The following ARHGEF1 variants were observed in gnomAD, a reference collection of about 807,000 sequenced individuals.
The protein encoded by ARHGEF1 is Rho guanine nucleotide exchange factor 1.
In ARHGEF1, 40 loss-of-function variants were observed where a neutral mutation model predicts 119.7. The ratio of observed to expected loss-of-function variants is 0.33; its 90% CI spans 0.26 to 0.44. The LOEUF (loss-of-function observed/expected upper bound fraction) is 0.44. Among genes scored for constraint, ARHGEF1 ranks in the 20% least tolerant of loss-of-function variants. The pLI, the probability that ARHGEF1 is intolerant of heterozygous loss-of-function variation, is 1.00. For missense variants in ARHGEF1, 976 were observed against 1,268.3 expected (o/e 0.77, Z 3.50); for synonymous variants, 494 against 521.0 (o/e 0.95, Z 0.71).
In ARHGEF1 at chr19:41,896,411, C is replaced by T. The variant is rs2074488195; in HGVS notation, c.1050C>T (p.Ser350=). ...ADAPLELGDS[S]PQGPMSLESL... is the part of the protein sequence containing the mutation. ...CCCCCCTGGAGCTGGGGGACTCATC[C>T]CCGCAGGGCCCAATGAGCCTGGAGT... The change falls in exon 13 of 29, where the codon TCC becomes TCT. Residue 350 remains serine, a synonymous_variant. Coordinates refer to ENST00000354532, the MANE Select transcript of ARHGEF1 (RefSeq NM_004706.4). 2.1e-6 allele frequency: 3 copies of T among 1,454,500 alleles called. No homozygotes were observed. Among genetic ancestry groups the T allele is most frequent in the Non-Finnish European group, 2.7e-6 (3 of 1,103,092 alleles). The allele number at this position is 1,454,500 out of a possible 1,614,324, so 90.1% of individuals were successfully genotyped here.
rs782079119 is a variant in ARHGEF1, at chr19:41,888,076, C to T, written c.-7C>T. 3.1e-6 allele frequency: 5 copies of T among 1,613,350 alleles called. No individual in the cohort carries two copies. The South Asian group carries it at 5.5e-5, about 18-fold the overall frequency. ...CCTCTTCCTCCAGCCCTGCAGAGCC[C>T]AGGGAGATGGAAGACTTCGCCCGAG... On this transcript the variant is annotated 5_prime_UTR_variant, in exon 2 of 29. Transcript: ENST00000354532. This position sits in a 1 kb window ranked among gnomAD's most constrained non-coding sequence, Gnocchi z 5.1.
intron 18 of ARHGEF1, among the ~76,000 whole-genome samples, chr19:41,913,533 CCCT>C (rs1555851460): frequency 2.0e-5 from 3 of 151,734 alleles, no homozygotes; most frequent in Non-Finnish European, 4.4e-5. Context: ...GCCCAGCACC[CCCT>C]CCTCCAGTCC....
rs537369814 is a variant in ARHGEF1 at position 41,905,100 on chromosome 19, C to T, written c.2249+64C>T. On this transcript the variant is annotated intron_variant, in intron 23 of 28. Coordinates refer to ENST00000354532, the MANE Select transcript of ARHGEF1 (RefSeq NM_004706.4). The surrounding 1 kb of genome is among the most constrained non-coding windows in gnomAD (Gnocchi z 6.4). ...GCCCAGGTTTCTGGGTTCCCAGGGA[C>T]AGGAGGGCTGTGGGGAGGCCCTGGC... 2 of 1,611,112 alleles carry T rather than the reference C, an allele frequency of 1.2e-6. No individual in the cohort carries two copies. The highest frequency in any genetic ancestry group is 1.1e-5 in the South Asian group (1 of 91,026).
At chr19:41,923,524 G>C (rs1262820888) in intron 1 of ARHGEF1, among the ~76,000 whole-genome samples, 5 of 149,104 alleles carry the variant, frequency 3.4e-5, no homozygotes, top group African/African-American at 1.2e-4. Flanking sequence ...GAGAGACAGA[G>C]AGACTCAGAA....
rs782225872 is a variant in ARHGEF1 at position 41,892,384 on chromosome 19, G to T, written c.367+11G>T. On this transcript the variant is annotated intron_variant, in intron 6 of 28. Coordinates refer to ENST00000354532, the MANE Select transcript of ARHGEF1 (RefSeq NM_004706.4). This position sits in a 1 kb window ranked among gnomAD's most constrained non-coding sequence, Gnocchi z 6.3. The stretch of plus-strand genomic sequence containing the variant: ...TCGCCTTTGAACTTGGTAAGGAGAA[G>T]GATGGGATGAGGGAGAGGTGTCTAG... 2 of 1,613,876 alleles carry T rather than the reference G, an allele frequency of 1.2e-6. No homozygotes were observed. Among genetic ancestry groups the T allele is most frequent in the Admixed American group, 1.7e-5 (1 of 60,006 alleles).
chr19:41,922,406 A>G (rs2074847746), upstream of ARHGEF1, among the ~76,000 whole-genome samples: 1 of 152,152 alleles, frequency 6.6e-6, no homozygotes, highest in Non-Finnish European at 1.5e-5. Flanking sequence ...GATGGAGCCG[A>G]GAGCTAGAGG....
rs921154119 is a variant in ARHGEF1 at position 41,917,359 on chromosome 19, G to A, written c.1866-5733G>A. 1.3e-5 allele frequency among the ~76,000 whole-genome samples: 2 copies of A among 150,994 alleles called. No individual in the cohort carries two copies. The highest frequency in any genetic ancestry group is 4.2e-4 in the South Asian group (2 of 4,756). ...CTGTCTCCTAACGCCCCATCACCACGCCCCCCTGGGCTGGGGTTTAACCAG... is the reference window on the plus strand; with the variant it reads ...CTGTCTCCTAACGCCCCATCACCACACCCCCCTGGGCTGGGGTTTAACCAG... On this transcript the variant is annotated intron_variant, in intron 18 of 20. Transcript: ENST00000599589. The surrounding 1 kb of genome is among the most constrained non-coding windows in gnomAD (Gnocchi z 4.8).
chr19:41,906,737 T>G lies in ARHGEF1; in HGVS notation c.2690T>G (p.Leu897Arg), dbSNP rs1555850328. The change falls in exon 28 of 29, where the codon CTC (leucine) becomes CGC (arginine). Residue 897 changes from leucine (L) to arginine (R), a missense_variant. Leu to Arg is a moderately radical substitution (Grantham distance 102). Around this residue, in one of 3 missense-constraint regions of ARHGEF1, gnomAD observed 171 missense variants for 180.6 expected, o/e 0.95. Transcript: ENST00000354532. This position sits in a 1 kb window ranked among gnomAD's most constrained non-coding sequence, Gnocchi z 4.5. ...GAGGAATTTTGCCGCCTGAGACCCC[T>G]CCTGTCTCAGCTTGGGGGGAACTCT... ...LEEEFCRLRP[L>R]LSQLGGNSVP... The G allele has an allele frequency of 1.2e-6, 2 of 1,611,262 alleles. No homozygotes were observed. The highest frequency in any genetic ancestry group is 3.4e-5 in the Admixed American group (2 of 59,472).
chr19:41,914,449 T>A (rs2074774688), intron 18 of ARHGEF1, among the ~76,000 whole-genome samples: 1 of 151,318 alleles, frequency 6.6e-6, no homozygotes, highest in Non-Finnish European at 1.5e-5. Flanking sequence ...TGTTTCTCCA[T>A]CTCTCACCCC....
chr19:41,893,357 T>C (rs1328254612), intron 8 of ARHGEF1, 54 bp downstream of exon 8: 4 of 1,423,012 alleles, frequency 2.8e-6, no homozygotes, highest in South Asian at 1.3e-5. Context: ...AGGAGGGGGC[T>C]GAGGGCCTGG....
chr19:41,913,283 C>T (rs1224304160), intron 18 of ARHGEF1, among the ~76,000 whole-genome samples: 1 of 144,806 alleles, frequency 6.9e-6, no homozygotes, highest in African/African-American at 2.5e-5. Flanking sequence ...CCGCCCGCCG[C>T]TCGCGCCCCG....
chr19:41,911,200 C>G (rs1270703404), downstream of ARHGEF1, among the ~76,000 whole-genome samples: 1 of 152,152 alleles, frequency 6.6e-6, no homozygotes, highest in African/African-American at 2.4e-5. Flanking sequence ...ACTCCACTGT[C>G]CACATACCCC....
upstream of ARHGEF1, among the ~76,000 whole-genome samples, chr19:41,922,345 G>A (rs2074847366): frequency 6.6e-6 from 1 of 152,190 alleles, no homozygotes; most frequent in Admixed American, 6.5e-5. Flanking sequence ...GAGATCAAGG[G>A]ACAGAAATGA....
rs138482475 is a variant in ARHGEF1, at chr19:41,905,024, C to A, written c.2237C>A (p.Ser746Ter). The A allele has an allele frequency of 6.2e-7, 1 of 1,614,090 alleles. No individual in the cohort carries two copies. Among genetic ancestry groups the A allele is most frequent in the Non-Finnish European group, 8.5e-7 (1 of 1,179,972 alleles). Residue 746 changes from serine to a stop codon, truncating the protein, a stop_gained, in exon 23 of 29, where the codon TCG becomes TAG. Transcript: ENST00000354532. LOFTEE classifies it high-confidence loss of function. The surrounding 1 kb of genome is among the most constrained non-coding windows in gnomAD (Gnocchi z 6.4). ...QIYELVAQTVSERKNWCALIT... is the reference protein window; with the variant it reads ...QIYELVAQTV ...TACGAGCTGGTGGCACAGACTGTGT[C>A]GGAGCGGAAAAAGTGAGGGGGGGTC...
chr19:41,908,095 G>A, downstream of ARHGEF1: 1 of 639,514 alleles, frequency 1.6e-6, no homozygotes, highest in Non-Finnish European at 2.2e-6. The surrounding 1 kb of genome is among the most constrained non-coding windows in gnomAD (Gnocchi z 6.7). Context: ...GGCTGGGGAA[G>A]GAGACTGGGG....
rs73550630 is a variant in ARHGEF1, at chr19:41,916,895, G to T, written c.1866-6197G>T. 0.24 allele frequency among the ~76,000 whole-genome samples: 36,360 copies of T among 151,896 alleles called. 8,864 individuals carry two copies. The highest frequency in any genetic ancestry group is 0.63 in the African/African-American group (26,021 of 41,310). Reference sequence around the variant, plus strand: ...AGACACACCCAGACACACTGGGTAGGGGTGGGCACTCAGAGATGACCCCAA... The same window carrying T: ...AGACACACCCAGACACACTGGGTAGTGGTGGGCACTCAGAGATGACCCCAA... On this transcript the variant is annotated intron_variant, in intron 18 of 20. Transcript: ENST00000599589. The surrounding 1 kb of genome is among the most constrained non-coding windows in gnomAD (Gnocchi z 5.4).
At chr19:41,928,902 G>A (rs1227658133) in exon 2 of ARHGEF1, 3 of 456,132 alleles carry the variant, frequency 6.6e-6, no homozygotes, top group East Asian at 7.0e-5. Context: ...TGCTGGACAC[G>A]CAAGCCTGGA....
rs1555845545 is a variant in ARHGEF1, at chr19:41,888,169, G to A, written c.25-23G>A. The A allele has an allele frequency of 6.2e-7, 1 of 1,614,066 alleles. No individual in the cohort carries two copies. The highest frequency in any genetic ancestry group is 8.5e-7 in the Non-Finnish European group (1 of 1,179,962). On this transcript the variant is annotated intron_variant, in intron 2 of 28. Transcript: ENST00000354532. The surrounding 1 kb of genome is among the most constrained non-coding windows in gnomAD (Gnocchi z 5.1). ...CTGTGGGTGGAGAGTCCTGTGGACT[G>A]AAGCTGCCCTCCCTTTCCACAGGCC...
intron 28 of ARHGEF1, 97 bp from the exon 29 acceptor site, chr19:41,907,008 C>G: frequency 8.1e-7 from 1 of 1,235,010 alleles, no homozygotes; most frequent in South Asian, 1.6e-5. Context: ...CCCACCTCCC[C>G]TTCTCTCTCT....
Sources: gnomAD v4.1 joint callset for allele counts (sites outside exome capture counted in the v4.1 genomes callset) on GRCh38, gnomAD v4.1.1 for gene constraint, gnomAD v4.1.1 regional missense constraint, Gnocchi (gnomAD v3.1) non-coding constraint, MANE v1.5 for transcripts, NCBI Gene and HGNC (gene_info 2026-07-23, HGNC 2026-07-21) for gene names.